The following MYRIP variants were observed in gnomAD, a reference collection of about 807,000 sequenced individuals.
MYRIP encodes myosin VIIA and Rab interacting protein.
In MYRIP, 49 loss-of-function variants were observed where a neutral mutation model predicts 98.0. The observed-to-expected ratio is 0.50, with a 90% CI of 0.40 to 0.63. MYRIP has a LOEUF of 0.63. Among genes scored for constraint, MYRIP ranks in the 30% least tolerant of loss-of-function variants. The pLI is 0.00. For synonymous variants in MYRIP, 404 were observed against 409.5 expected (o/e 0.99, Z 0.16); for missense variants, 1,004 against 1,058.2 (o/e 0.95, Z 0.71).
At chr3:40,218,653 TATAC>T (rs1952230199) in intron 11 of MYRIP, among the ~76,000 whole-genome samples, 2 of 132,194 alleles carry the variant, frequency 1.5e-5, no homozygotes, top group East Asian at 2.1e-4. Context: ...TATATATATA[TATAC>T]ATACACACAC....
In MYRIP at chr3:40,241,896, C is replaced by A. The variant is rs139624671; in HGVS notation, c.2101-2550C>A. Among the ~76,000 whole-genome samples, 98 of 152,250 alleles carry A rather than the reference C, an allele frequency of 6.4e-4. 1 individual carries two copies. In the East Asian group the frequency reaches 0.014, roughly 22 times the overall value. On this transcript the variant is annotated intron_variant, in intron 12 of 16. Coordinates refer to ENST00000302541, the MANE Select transcript of MYRIP (RefSeq NM_015460.4). ...AACATTTTCATCATATAGCATGTTA[C>A]CTTTTGTTATTTCAAGCCAGCCACA... is the stretch of plus-strand genomic sequence containing the variant.
chr3:39,885,857 T>C (rs1275952559), intron 1 of MYRIP, among the ~76,000 whole-genome samples: 2 of 152,112 alleles, frequency 1.3e-5, no homozygotes, highest in East Asian at 3.9e-4. Flanking sequence ...TCAGCTCCTT[T>C]AAGCACTTCT....
chr3:39,992,229 C>T (rs1402016938), intron 2 of MYRIP, among the ~76,000 whole-genome samples: 1 of 152,148 alleles, frequency 6.6e-6, no homozygotes, highest in Non-Finnish European at 1.5e-5. Flanking sequence ...CCTCTCATCT[C>T]CATAAAGCCA....
chr3:40,251,604 C>A (rs554712824), intron 15 of MYRIP, among the ~76,000 whole-genome samples: 1 of 152,234 alleles, frequency 6.6e-6, no homozygotes, highest in Middle Eastern at 3.4e-3. Context: ...GTTTTAGAAC[C>A]TTTTCTATTT....
chr3:39,954,274 G>C (rs1945101184), intron 2 of MYRIP, among the ~76,000 whole-genome samples: 1 of 152,112 alleles, frequency 6.6e-6, no homozygotes, highest in South Asian at 2.1e-4. Context: ...GGGGCCAATT[G>C]ACACCTCATA....
At position 40,063,037 on chromosome 3, in the gene MYRIP, C is replaced by G. The variant is rs768152377; in HGVS notation, c.332+18766C>G. 9.9e-5 allele frequency among the ~76,000 whole-genome samples: 15 copies of G among 152,282 alleles called. No individual in the cohort carries two copies. The East Asian group carries it at 2.7e-3, about 27-fold the overall frequency. The stretch of plus-strand genomic sequence containing the variant: ...AGATTTAGGAGATGTTGGTGTGAAG[C>G]TTATGTACCATGAGAGACAATCCAC... On this transcript the variant is annotated intron_variant, in intron 3 of 16. Transcript: ENST00000302541.
chr3:39,810,533 C>T (rs1940640789), intron 1 of MYRIP: 1 of 152,276 alleles, frequency 6.6e-6, no homozygotes, highest in Non-Finnish European at 1.5e-5. Flanking sequence ...GCCACAGCCG[C>T]CAGACTTGAA....
chr3:40,042,589 TAAAG>T lies in MYRIP; in HGVS notation c.111-1459_111-1456del, dbSNP rs994814212. Among the ~76,000 whole-genome samples, 6 of 134,754 alleles carry T rather than the reference TAAAG, an allele frequency of 4.5e-5. No individual in the cohort carries two copies. In the Admixed American group the frequency reaches 5.0e-4, roughly 11 times the overall value. 88.4% of individuals were successfully genotyped at this position (134,754 alleles called of 152,430 possible). On this transcript the variant is annotated intron_variant, in intron 2 of 16. Coordinates refer to ENST00000302541, the MANE Select transcript of MYRIP (RefSeq NM_015460.4). ...TGGGTATAAAAAATAGTAATAGTAGTAAAGAGTAGTAAATAGTCATAGTAAAAAT... is the reference window on the plus strand; with the variant it reads ...TGGGTATAAAAAATAGTAATAGTAGTAGTAGTAAATAGTCATAGTAAAAAT...
At chr3:40,192,343 C>CAT (rs202167228) in intron 10 of MYRIP, among the ~76,000 whole-genome samples, 1 of 47,570 alleles carries the variant, frequency 2.1e-5, no homozygotes, top group African/African-American at 6.3e-5. Flanking sequence ...ATATATATGT[C>CAT]ATATATATAT....
At chr3:40,171,809 T>C (rs570412221) in intron 8 of MYRIP, among the ~76,000 whole-genome samples, 35 of 152,370 alleles carry the variant, frequency 2.3e-4, no homozygotes, top group African/African-American at 7.5e-4. Context: ...GTGCTTGTAT[T>C]GGTTTGTTCT....
At chr3:40,041,089 C>A (rs1947519060) in intron 2 of MYRIP, among the ~76,000 whole-genome samples, 1 of 137,826 alleles carries the variant, frequency 7.3e-6, no homozygotes, top group African/African-American at 2.7e-5. Flanking sequence ...ATCCCTGCAT[C>A]CATATTGATA....
chr3:39,878,631 G>A lies in MYRIP; in HGVS notation c.-30-22156G>A, dbSNP rs187683495. Among the ~76,000 whole-genome samples, 589 of 151,570 alleles carry A rather than the reference G, an allele frequency of 3.9e-3. 1 individual carries two copies. Among genetic ancestry groups the A allele is most frequent in the South Asian group, 0.019 (93 of 4,782 alleles). Reference sequence around the variant, plus strand: ...AGACATGTACATATATATCTTTTTTGCTTCTATTTACTCACCAGCAAATAA... The same window carrying A: ...AGACATGTACATATATATCTTTTTTACTTCTATTTACTCACCAGCAAATAA... On this transcript the variant is annotated intron_variant, in intron 1 of 16. Transcript: ENST00000302541.
chr3:40,245,913 ATTTTTTTT>A (rs55637614), intron 13 of MYRIP, among the ~76,000 whole-genome samples: 1 of 115,634 alleles, frequency 8.6e-6, no homozygotes, highest in Non-Finnish European at 1.7e-5. Context: ...CACCCAGCTA[ATTTTTTTT>A]TTTTTTTTTT....
chr3:39,906,402 T>C (rs7620933), intron 2 of MYRIP, among the ~76,000 whole-genome samples: 20,613 of 152,178 alleles, frequency 0.14, 1,467 homozygotes, highest in Middle Eastern at 0.17. Flanking sequence ...TTCAGGTTTC[T>C]ACACTTAGCT....
intron 2 of MYRIP, among the ~76,000 whole-genome samples, chr3:39,999,816 G>T (rs988415836): frequency 6.6e-6 from 1 of 151,958 alleles, no homozygotes. Context: ...GAAAATGTGG[G>T]ACATATACAC....
chr3:39,941,528 CACTT>C (rs1328478461), intron 2 of MYRIP, among the ~76,000 whole-genome samples: 5 of 151,676 alleles, frequency 3.3e-5, no homozygotes, highest in Middle Eastern at 3.4e-3. Context: ...TACACACACA[CACTT>C]TTTTTTACAG....
rs1949730367 is a variant in MYRIP at position 40,134,927 on chromosome 3, TG to T, written c.333-16117del. ...CGAAATGTAGATAAAACCACAAAGA[TG>T]GGGAAAAAACAGAGCAGAAAAACCA... On this transcript the variant is annotated intron_variant, in intron 3 of 16. Transcript: ENST00000302541. 2.0e-5 allele frequency among the ~76,000 whole-genome samples: 3 copies of T among 151,944 alleles called. No homozygotes were observed. The South Asian group carries it at 6.2e-4, about 32-fold the overall frequency.
At chr3:40,137,131 T>G (rs944191540) in intron 3 of MYRIP, among the ~76,000 whole-genome samples, 1 of 152,060 alleles carries the variant, frequency 6.6e-6, no homozygotes, top group Non-Finnish European at 1.5e-5. Flanking sequence ...ATTGATAGAC[T>G]GCTAGCAAGA....
intron 1 of MYRIP, among the ~76,000 whole-genome samples, chr3:39,832,872 C>G (rs1941493135): frequency 6.6e-6 from 1 of 152,158 alleles, no homozygotes. Flanking sequence ...ACCCAGTCAT[C>G]TTATTTCTGG....
Sources: gnomAD v4.1 joint callset for allele counts (sites outside exome capture counted in the v4.1 genomes callset) on GRCh38, gnomAD v4.1.1 for gene constraint, MANE v1.5 for transcripts, NCBI Gene and HGNC (gene_info 2026-07-23, HGNC 2026-07-21) for gene names.